Variants in SLC13A4 observed in about 807,000 individuals in gnomAD.
SLC13A4 encodes the protein solute carrier family 13 member 4, also known as Na(+)/sulfate cotransporter SUT-1.
A neutral mutation model predicts 72.7 loss-of-function variants in SLC13A4; 28 were observed. The ratio of observed to expected loss-of-function variants is 0.39; its 90% CI spans 0.29 to 0.53. The LOEUF (loss-of-function observed/expected upper bound fraction) is 0.53, where lower values mean the gene tolerates loss of function less well. Among genes scored for constraint, SLC13A4 ranks in the 20% least tolerant of loss-of-function variants. The pLI, the probability that SLC13A4 is intolerant of heterozygous loss-of-function variation, is 0.78. For missense variants in SLC13A4, 653 were observed against 788.0 expected (o/e 0.83, Z 2.05); for synonymous variants, 312 against 325.5 (o/e 0.96, Z 0.45).
In SLC13A4 at chr7:135,702,564, C is replaced by T. The variant is rs186482196; in HGVS notation, c.633+281G>A. 1,484 of 356,236 alleles carry T rather than the reference C, an allele frequency of 4.2e-3. 12 individuals carry two copies. The highest frequency in any genetic ancestry group is 6.3e-3 in the Non-Finnish European group (1,202 of 190,654). The allele number at this position is 356,236 out of a possible 1,614,324, so 22.1% of individuals were successfully genotyped here. A position where few individuals can be genotyped will look rare whatever the true frequency, so the allele number is the denominator to read the frequency against. Reference sequence around the variant, plus strand: ...CTAATTTTTGTATTTTTAGTACAGGCGGGGTTTCACCATGTTGGCCAGGCT... The same window carrying T: ...CTAATTTTTGTATTTTTAGTACAGGTGGGGTTTCACCATGTTGGCCAGGCT... On this transcript the variant is annotated intron_variant, in intron 6 of 15. Transcript: ENST00000682651.
chr7:135,683,663 T>C, intron 15 of SLC13A4: 1 of 985,456 alleles, frequency 1.0e-6, no homozygotes, highest in African/African-American at 1.7e-5. Context: ...AGGGGTTTCT[T>C]GCCTGGGCCG....
intron 7 of SLC13A4, 95 bp downstream of exon 7, chr7:135,701,585 G>T: frequency 8.0e-7 from 1 of 1,254,706 alleles, no homozygotes. Context: ...CAGCTCACTA[G>T]CCTGATTCCC....
chr7:135,696,554 T>C (rs1475313430), intron 8 of SLC13A4, among the ~76,000 whole-genome samples: 1 of 152,172 alleles, frequency 6.6e-6, no homozygotes, highest in African/African-American at 2.4e-5. Flanking sequence ...GGTTTCGCCA[T>C]GTTGGCCAGG....
intron 2 of SLC13A4, among the ~76,000 whole-genome samples, chr7:135,714,053 C>A (rs1450244542): frequency 6.6e-6 from 1 of 152,236 alleles, no homozygotes; most frequent in African/African-American, 2.4e-5. Flanking sequence ...TCCCTGGGGG[C>A]AGGAATGCTG....
In SLC13A4 at chr7:135,721,403, A is replaced by T. The variant is rs746183745; in HGVS notation, c.220T>A (p.Ser74Thr). The change falls in exon 2 of 16, where the codon TCC (serine) becomes ACC (threonine). Residue 74 changes from serine to threonine, a missense_variant. Ser to Thr is a moderately conservative substitution (Grantham distance 58). Coordinates refer to ENST00000682651, the MANE Select transcript of SLC13A4 (RefSeq NM_001318192.2). ...GCTACAAGTAGTCTAACCTCATTGG[A>T]CCGGAGGACTCCGAAGAACGGGTAA... ...FLYPFFGVLR[S>T]NEVAAEYFKN... 1 of 1,613,928 alleles carries T rather than the reference A, an allele frequency of 6.2e-7. No homozygotes were observed. Among genetic ancestry groups the T allele is most frequent in the Admixed American group, 1.7e-5 (1 of 60,014 alleles).
At chr7:135,699,250 T>G in intron 8 of SLC13A4, 114 bp downstream of exon 8, 1 of 1,112,896 alleles carries the variant, frequency 9.0e-7, no homozygotes, top group Non-Finnish European at 1.2e-6. Context: ...TGTTTTTCCC[T>G]CTTTCTACGG....
At chr7:135,699,322 G>C in intron 8 of SLC13A4, 42 bp downstream of exon 8, 1 of 1,549,248 alleles carries the variant, frequency 6.5e-7, no homozygotes, top group South Asian at 1.2e-5. Context: ...CTGACACACA[G>C]TGGTGGTTAG....
At position 135,692,145 on chromosome 7, in the gene SLC13A4, C is replaced by A. The variant is rs3112335; in HGVS notation, c.1223+178G>T. On this transcript the variant is annotated intron_variant, in intron 11 of 15. Transcript: ENST00000682651. ...GCAGCACTGGATTCCAACCCCAGAC[C>A]GGGACTCCAAAGAGTGTTTTTCCTT... 12 of 612,084 alleles carry A rather than the reference C, an allele frequency of 2.0e-5. No homozygotes were observed. In the African/African-American group the frequency reaches 2.1e-4, roughly 10 times the overall value. The allele number at this position is 612,084 out of a possible 1,614,324, so 37.9% of individuals were successfully genotyped here.
intron 8 of SLC13A4, among the ~76,000 whole-genome samples, chr7:135,699,068 C>T (rs1795970928): frequency 6.6e-6 from 1 of 152,082 alleles, no homozygotes; most frequent in South Asian, 2.1e-4. Context: ...TCCTGAGTAG[C>T]TGGGACTGTA....
intron 13 of SLC13A4, among the ~76,000 whole-genome samples, chr7:135,690,534 A>G (rs915081866): frequency 6.6e-6 from 1 of 151,994 alleles, no homozygotes; most frequent in Non-Finnish European, 1.5e-5. Flanking sequence ...CACTCCTATT[A>G]CCTATTACCT....
chr7:135,727,697 T>A lies in SLC13A4; in HGVS notation c.-201A>T. The A allele has an allele frequency of 3.6e-6, 2 of 559,770 alleles. No individual in the cohort carries two copies. The highest frequency in any genetic ancestry group is 6.0e-5 in the East Asian group (2 of 33,398). The allele number at this position is 559,770 out of a possible 1,614,324, so 34.7% of individuals were successfully genotyped here. A position where few individuals can be genotyped will look rare whatever the true frequency, so the allele number is the denominator to read the frequency against. ...GAGGCTGGGCTCCTGGCCTCCTGCTTTAGGTGGGATTGATGAGCATCGTTT... is the reference window on the plus strand; with the variant it reads ...GAGGCTGGGCTCCTGGCCTCCTGCTATAGGTGGGATTGATGAGCATCGTTT... On this transcript the variant is annotated 5_prime_UTR_variant, in exon 1 of 16. The change abolishes the stop of an existing upstream ORF in the 5' untranslated region. Transcript: ENST00000682651.
intron 2 of SLC13A4, among the ~76,000 whole-genome samples, chr7:135,710,825 G>A (rs1199749062): frequency 2.6e-5 from 4 of 152,184 alleles, no homozygotes; most frequent in Admixed American, 6.5e-5. Flanking sequence ...CATTTCCTGG[G>A]GGGAAAAGCC....
intron 11 of SLC13A4, 111 bp downstream of exon 11, chr7:135,692,212 C>T: frequency 1.2e-6 from 1 of 808,138 alleles, no homozygotes; most frequent in Non-Finnish European, 2.1e-6. Flanking sequence ...AGTGGATTTC[C>T]TGGGGAATGA....
intron 15 of SLC13A4, chr7:135,683,771 C>T (rs1795558756): frequency 2.0e-6 from 2 of 985,166 alleles, no homozygotes; most frequent in South Asian, 4.7e-5. Context: ...GTGAATAAAC[C>T]AGTAGCTTTC....
At chr7:135,725,202 T>C (rs1245371287) in intron 1 of SLC13A4, among the ~76,000 whole-genome samples, 2 of 152,248 alleles carry the variant, frequency 1.3e-5, no homozygotes, top group Admixed American at 6.5e-5. Flanking sequence ...CATTTCCCCA[T>C]GTAGGACGTT....
Position 135,727,659 on chromosome 7 carries a change from G to T in SLC13A4, c.-163C>A. The T allele has an allele frequency of 1.2e-6, 1 of 808,050 alleles. No homozygotes were observed. Among genetic ancestry groups the T allele is most frequent in the Non-Finnish European group, 1.8e-6 (1 of 540,810 alleles). The allele number at this position is 808,050 out of a possible 1,614,324, so 50.1% of individuals were successfully genotyped here. On this transcript the variant is annotated 5_prime_UTR_variant, in exon 1 of 16. Coordinates refer to ENST00000682651, the MANE Select transcript of SLC13A4 (RefSeq NM_001318192.2). ...AGAACGGGAGGGCAGTTATACCCTC[G>T]CTGTTTCTACAAGAGGCTGGGCTCC...
At position 135,685,593 on chromosome 7, in the gene SLC13A4, CGAG is replaced by C; in HGVS notation, c.1534_1536del (p.Leu512del). 1 of 1,614,166 alleles carries C rather than the reference CGAG, an allele frequency of 6.2e-7. No individual in the cohort carries two copies. Among genetic ancestry groups the C allele is most frequent in the Non-Finnish European group, 8.5e-7 (1 of 1,180,002 alleles). The stretch of plus-strand genomic sequence containing the variant: ...CTCACAAACTCAGTGACAATGGACA[CGAG>C]GATGCATGCCAGCAGGGTGACAGCC... On this transcript the variant is annotated inframe_deletion, in exon 14 of 16. Transcript: ENST00000682651.
intron 2 of SLC13A4, among the ~76,000 whole-genome samples, chr7:135,717,824 C>T (rs896202524): frequency 5.9e-5 from 9 of 152,036 alleles, no homozygotes; most frequent in East Asian, 3.9e-4. Context: ...TCCAATCTGT[C>T]GAGGGCCTGA....
chr7:135,701,865 T>C, intron 6 of SLC13A4, 105 bp from the exon 7 acceptor site: 1 of 1,106,818 alleles, frequency 9.0e-7, no homozygotes, highest in South Asian at 1.5e-5. Flanking sequence ...GCCTCAGCAC[T>C]GTGGGAACCA....
Sources: gnomAD v4.1 joint callset for allele counts (sites outside exome capture counted in the v4.1 genomes callset) on GRCh38, gnomAD v4.1.1 for gene constraint, MANE v1.5 for transcripts, NCBI Gene and HGNC (gene_info 2026-07-23, HGNC 2026-07-21) for gene names.